ANO3: variants seen among roughly 807,000 people sequenced by gnomAD.
The protein encoded by ANO3 is anoctamin-3.
A neutral mutation model predicts 144.8 loss-of-function variants in ANO3; 99 were observed. That is an observed-to-expected ratio of 0.68 (90% CI 0.58 to 0.81). The LOEUF (loss-of-function observed/expected upper bound fraction) is 0.81, where lower values mean the gene tolerates loss of function less well. ANO3 is among the 30% of genes least tolerant of loss of function. The pLI is 0.00. For missense variants in ANO3, 905 were observed against 1,202.2 expected (o/e 0.75, Z 3.66); for synonymous variants, 414 against 392.6 (o/e 1.05, Z -0.64).
Position 26,553,274 on chromosome 11 carries a change from G to T in ANO3, c.1315G>T (p.Val439Phe), listed in dbSNP as rs764660813. ...VSQEICKATE[V>F]FMCPLCDKNC... ...CCAAGAAATTTGTAAAGCCACTGAA[G>T]TCTTTATGTGCCCTCTCTGTGACAA... Residue 439 changes from valine to phenylalanine, a missense_variant, in exon 13 of 27, where the codon GTC becomes TTC. Transcript: ENST00000256737. 1.4e-5 allele frequency: 21 copies of T among 1,542,790 alleles called. No individual in the cohort carries two copies. Among genetic ancestry groups the T allele is most frequent in the Non-Finnish European group, 8.0e-6 (9 of 1,126,760 alleles).
At chr11:26,613,765 T>C (rs780916762) in intron 17 of ANO3, among the ~76,000 whole-genome samples, 2 of 152,222 alleles carry the variant, frequency 1.3e-5, no homozygotes, top group Non-Finnish European at 1.5e-5. Context: ...GTCTGTGATA[T>C]TGTCTCAGAA....
intron 26 of ANO3, among the ~76,000 whole-genome samples, chr11:26,658,168 G>A (rs1450605692): frequency 1.3e-5 from 2 of 151,652 alleles, no homozygotes; most frequent in Non-Finnish European, 2.9e-5. Context: ...CGTGCACATA[G>A]ATATCCAATT....
At chr11:26,521,674 C>T (rs992290598) in intron 6 of ANO3, among the ~76,000 whole-genome samples, 13 of 152,128 alleles carry the variant, frequency 8.5e-5, no homozygotes, top group East Asian at 1.9e-4. Context: ...GCATTCCAGA[C>T]ATGTCAGATC....
Position 26,661,114 on chromosome 11 carries a change from T to C in ANO3, c.*670T>C, listed in dbSNP as rs1226579799. The stretch of plus-strand genomic sequence containing the variant: ...AAGAACAGCATTCATTGAAATAATA[T>C]TCCATTGCATTGGCTACTTCAAGTC... On this transcript the variant is annotated 3_prime_UTR_variant, in exon 27 of 27. Coordinates refer to ENST00000256737, the MANE Select transcript of ANO3 (RefSeq NM_031418.4). The C allele has an allele frequency of 1.3e-5, 2 of 152,588 alleles. No homozygotes were observed. The highest frequency in any genetic ancestry group is 6.6e-5 in the Admixed American group (1 of 15,258). The allele number at this position is 152,588 out of a possible 1,614,324, so 9.5% of individuals were successfully genotyped here.
chr11:26,259,249 A>G (rs970127461), intron 1 of ANO3, among the ~76,000 whole-genome samples: 1 of 152,144 alleles, frequency 6.6e-6, no homozygotes, highest in Non-Finnish European at 1.5e-5. Flanking sequence ...GTTTGTATCT[A>G]TCTCTCCCTC....
At chr11:26,461,711 A>G (rs1375156857) in intron 3 of ANO3, among the ~76,000 whole-genome samples, 1 of 152,082 alleles carries the variant, frequency 6.6e-6, no homozygotes, top group African/African-American at 2.4e-5. Flanking sequence ...CTTTGGAATC[A>G]GATCAGAATT....
At chr11:26,489,742 C>T (rs1860624646) in intron 4 of ANO3, among the ~76,000 whole-genome samples, 2 of 152,196 alleles carry the variant, frequency 1.3e-5, no homozygotes, top group Admixed American at 1.3e-4. Flanking sequence ...AATTTGACTG[C>T]TCCACTGGAT....
intron 1 of ANO3, among the ~76,000 whole-genome samples, chr11:26,249,862 CAA>C (rs1455833433): frequency 6.6e-6 from 1 of 152,154 alleles, no homozygotes; most frequent in Admixed American, 6.6e-5. Context: ...TTTTCCTATG[CAA>C]AGTCTTCCGC....
intron 17 of ANO3, among the ~76,000 whole-genome samples, chr11:26,609,746 T>C (rs772898877): frequency 2.0e-4 from 31 of 152,218 alleles, no homozygotes; most frequent in Non-Finnish European, 3.2e-4. Context: ...TTTCTTTGGA[T>C]ATATACCCAG....
chr11:26,559,650 G>A, intron 13 of ANO3, 69 bp from the exon 14 acceptor site: 1 of 1,074,692 alleles, frequency 9.3e-7, no homozygotes, highest in Non-Finnish European at 1.4e-6. Flanking sequence ...GTACCTGAGT[G>A]CAAACAGTAT....
chr11:26,454,661 G>T (rs1859081005), intron 3 of ANO3, among the ~76,000 whole-genome samples: 1 of 151,568 alleles, frequency 6.6e-6, no homozygotes, highest in Non-Finnish European at 1.5e-5. Context: ...AGGAGGAACT[G>T]GTACCATTCC....
chr11:26,441,119 T>TG (rs1168526897), intron 1 of ANO3, among the ~76,000 whole-genome samples: 7 of 120,994 alleles, frequency 5.8e-5, no homozygotes, highest in East Asian at 2.4e-4. Context: ...TTTTTTTTTT[T>TG]TTTTTTTTTT....
At chr11:26,590,282 G>A (rs900524688) in intron 14 of ANO3, among the ~76,000 whole-genome samples, 22 of 152,328 alleles carry the variant, frequency 1.4e-4, no homozygotes, top group East Asian at 5.8e-4. Context: ...CTTTTATGGC[G>A]ATTATTCCTT....
At chr11:26,410,029 C>A (rs1232342459) in intron 1 of ANO3, among the ~76,000 whole-genome samples, 1 of 151,848 alleles carries the variant, frequency 6.6e-6, no homozygotes, top group Non-Finnish European at 1.5e-5. Flanking sequence ...TTCATGAATA[C>A]CTGAGATAAA....
intron 26 of ANO3, 117 bp downstream of exon 26, chr11:26,656,598 G>A (rs771052724): frequency 5.4e-5 from 37 of 683,890 alleles, no homozygotes; most frequent in Non-Finnish European, 6.9e-5. Context: ...AGTAGGTCCC[G>A]TAAAAGGCTT....
rs373939957 is a variant in ANO3, at chr11:26,646,826, T to C, written c.2429-883T>C. On this transcript the variant is annotated intron_variant, in intron 23 of 26. Transcript: ENST00000256737. ...TTTTCTTTTGCCTAAATATTGTGACTTTTGTACAAATAAATGTTTAATTTT... is the reference window on the plus strand; with the variant it reads ...TTTTCTTTTGCCTAAATATTGTGACCTTTGTACAAATAAATGTTTAATTTT... Among the ~76,000 whole-genome samples, 38 of 152,296 alleles carry C rather than the reference T, an allele frequency of 2.5e-4. 1 individual carries two copies. In the East Asian group the frequency reaches 7.3e-3, roughly 29 times the overall value.
chr11:26,515,422 G>A (rs2134150479), intron 5 of ANO3, among the ~76,000 whole-genome samples: 1 of 151,652 alleles, frequency 6.6e-6, no homozygotes, highest in East Asian at 1.9e-4. Context: ...CATGGAATGA[G>A]CCCCCACTTG....
chr11:26,460,455 AGAAGGAAGGAAG>A (rs1355892344), intron 3 of ANO3, among the ~76,000 whole-genome samples: 3 of 150,166 alleles, frequency 2.0e-5, no homozygotes, highest in Admixed American at 6.7e-5. Context: ...AAAGAAGGAA[AGAAGGAAGGAAG>A]GAAGGGAGGA....
intron 1 of ANO3, among the ~76,000 whole-genome samples, chr11:26,213,355 A>ATGACATG (rs1851973074): frequency 6.6e-6 from 1 of 152,004 alleles, no homozygotes; most frequent in South Asian, 2.1e-4. Context: ...GTGTTTGCAG[A>ATGACATG]TGACATGATT....
Sources: allele counts gnomAD v4.1 joint callset (sites outside exome capture counted in the v4.1 genomes callset), GRCh38; gene constraint gnomAD v4.1.1; transcripts MANE v1.5; gene names NCBI Gene and HGNC (gene_info 2026-07-23, HGNC 2026-07-21).